Variants in PPP4R1 observed in about 807,000 individuals in gnomAD.
PPP4R1 encodes the protein protein phosphatase 4 regulatory subunit 1.
In PPP4R1, 42 loss-of-function variants were observed where a neutral mutation model predicts 111.2. That is an observed-to-expected ratio of 0.38 (90% confidence interval 0.29 to 0.49). The LOEUF is 0.49. PPP4R1 is among the 20% of genes least tolerant of loss of function. The pLI, the probability that PPP4R1 is intolerant of heterozygous loss-of-function variation, is 0.97. For synonymous variants in PPP4R1, 409 were observed against 405.5 expected, an observed-to-expected ratio of 1.01 and a Z score of -0.10; for missense variants, 1,012 against 1,161.6, an observed-to-expected ratio of 0.87 and a Z score of 1.87.
At chr18:9,615,778 C>A (rs542279246), upstream of PPP4R1, among the ~76,000 whole-genome samples, 1 of 152,290 alleles carries the variant, frequency 6.6e-6, no homozygotes, top group African/African-American at 2.4e-5. Flanking sequence ...TTCCTTTCTA[C>A]GTTGTAGTCT....
chr18:9,570,024 A>G lies in PPP4R1; in HGVS notation c.1573+133T>C, dbSNP rs551426686. On this transcript the variant is annotated intron_variant, in intron 11 of 19. Coordinates refer to ENST00000400556, the MANE Select transcript of PPP4R1 (RefSeq NM_001042388.3). ...CTCAACCTCTCAAAGTGCTGGTATTATAGGTATGAGTCACTGTGCCCAGTC... is the reference window on the plus strand; with the variant it reads ...CTCAACCTCTCAAAGTGCTGGTATTGTAGGTATGAGTCACTGTGCCCAGTC... The G allele has an allele frequency of 2.2e-5, 21 of 936,646 alleles. No homozygotes were observed. The Admixed American group carries it at 3.9e-4, about 17-fold the overall frequency. 58.0% of individuals were successfully genotyped at this position (936,646 alleles called of 1,614,324 possible).
At chr18:9,567,896 A>G (rs1158048669) in intron 11 of PPP4R1, among the ~76,000 whole-genome samples, 4 of 152,182 alleles carry the variant, frequency 2.6e-5, no homozygotes, top group Non-Finnish European at 5.9e-5. Context: ...AAGACCCTCC[A>G]CCAGCAATGA....
chr18:9,553,214 A>T, intron 16 of PPP4R1, 108 bp downstream of exon 16: 1 of 814,890 alleles, frequency 1.2e-6, no homozygotes, highest in Non-Finnish European at 1.9e-6. Context: ...CTAGAATACC[A>T]CATAGAAACT....
intron 10 of PPP4R1, 122 bp downstream of exon 10, chr18:9,576,942 T>G: frequency 2.0e-6 from 2 of 1,009,564 alleles, no homozygotes; most frequent in Non-Finnish European, 2.9e-6. Context: ...AATTTTTATA[T>G]TCAAGAGAAA....
In PPP4R1 at chr18:9,546,843, ATAC is replaced by A. The variant is rs984917440; in HGVS notation, c.*943_*945del. 2.6e-5 allele frequency: 4 copies of A among 152,268 alleles called. No homozygotes were observed. The highest frequency in any genetic ancestry group is 9.6e-5 in the African/African-American group (4 of 41,470). 9.4% of individuals were successfully genotyped at this position (152,268 alleles called of 1,614,324 possible). On this transcript the variant is annotated 3_prime_UTR_variant, in exon 20 of 20. Transcript: ENST00000400556. The stretch of plus-strand genomic sequence containing the variant: ...CTAGTTTCCCCACTTTAAATCATTA[ATAC>A]AGGTCACAAATTGCATTTATTGGTA...
chr18:9,556,109 C>T (rs1331759806), intron 15 of PPP4R1, among the ~76,000 whole-genome samples: 1 of 147,830 alleles, frequency 6.8e-6, no homozygotes, highest in Non-Finnish European at 1.5e-5. Flanking sequence ...TGCAGTGAGC[C>T]AAGATCCTGC....
At chr18:9,598,036 T>C (rs918436452) in intron 2 of PPP4R1, among the ~76,000 whole-genome samples, 2 of 151,766 alleles carry the variant, frequency 1.3e-5, no homozygotes, top group African/African-American at 2.4e-5. Context: ...AAAAAAGATA[T>C]GAAAAATACA....
chr18:9,569,647 A>C (rs931026415), intron 11 of PPP4R1, among the ~76,000 whole-genome samples: 10 of 152,336 alleles, frequency 6.6e-5, no homozygotes, highest in African/African-American at 2.4e-4. Flanking sequence ...AATTTCCTGA[A>C]AATCAGATTA....
rs746200871 is a variant in PPP4R1, at chr18:9,588,870, A to C, written c.296-17T>G. ...CAGTTGGTTCTATTGAAATAACGGC[A>C]ATGTGAGCAAACATGTTCTCCTGCA... On this transcript the variant is annotated splice_polypyrimidine_tract_variant and intron_variant, in intron 4 of 19. Coordinates refer to ENST00000400556, the MANE Select transcript of PPP4R1 (RefSeq NM_001042388.3). 1.9e-6 allele frequency: 3 copies of C among 1,610,556 alleles called. No individual in the cohort carries two copies. The highest frequency in any genetic ancestry group is 2.5e-6 in the Non-Finnish European group (3 of 1,178,770).
At position 9,570,569 on chromosome 18, in the gene PPP4R1, A is replaced by T. The variant is rs996898899; in HGVS notation, c.1161T>A (p.Ala387=). ...CTAGAGGCTTCCCGGATGCCTCAGCAGCATGGTCTTCCATCGTGTTTTCCA... is the reference window on the plus strand; with the variant it reads ...CTAGAGGCTTCCCGGATGCCTCAGCTGCATGGTCTTCCATCGTGTTTTCCA... ...VILENTMEDH[A]AEASGKPLGE... Residue 387 remains alanine, a synonymous_variant, in exon 11 of 20, where the codon GCT becomes GCA. Transcript: ENST00000400556. The T allele has an allele frequency of 1.2e-6, 2 of 1,614,238 alleles. No individual in the cohort carries two copies.
chr18:9,583,215 C>A lies in PPP4R1; in HGVS notation c.820G>T (p.Glu274Ter). ...GCACATGAAACCGCCATGAAGCATTCAGCACAAGCCTTTCGGACTCCCCAT... is the reference window on the plus strand; with the variant it reads ...GCACATGAAACCGCCATGAAGCATTAAGCACAAGCCTTTCGGACTCCCCAT... ...NVWGVRKACAECFMAVSCATC... is the reference protein window; with the variant it reads ...NVWGVRKACA The change falls in exon 9 of 20, where the codon GAA (glutamate) becomes TAA (stop). Residue 274 changes from glutamate to a stop codon, truncating the protein, a stop_gained. Coordinates refer to ENST00000400556, the MANE Select transcript of PPP4R1 (RefSeq NM_001042388.3). LOFTEE classifies it high-confidence loss of function. The A allele has an allele frequency of 1.2e-6, 2 of 1,610,114 alleles. No homozygotes were observed. The highest frequency in any genetic ancestry group is 1.7e-6 in the Non-Finnish European group (2 of 1,177,180).
At chr18:9,550,921 A>G (rs1401572361) in intron 16 of PPP4R1, 1 of 152,766 alleles carries the variant, frequency 6.5e-6, no homozygotes, top group Non-Finnish European at 1.5e-5. Flanking sequence ...CATGACATCT[A>G]CCAAGCTAAC....
At chr18:9,597,191 G>A (rs1367870530) in intron 2 of PPP4R1, among the ~76,000 whole-genome samples, 3 of 152,152 alleles carry the variant, frequency 2.0e-5, no homozygotes, top group Non-Finnish European at 4.4e-5. Context: ...TCAGACACTG[G>A]ACAAAAGACA....
intron 4 of PPP4R1, among the ~76,000 whole-genome samples, chr18:9,591,220 T>C (rs2067206296): frequency 6.6e-6 from 1 of 151,724 alleles, no homozygotes; most frequent in Non-Finnish European, 1.5e-5. Flanking sequence ...TGGTGGTGCA[T>C]GCCTGTAATC....
At chr18:9,577,525 C>T (rs555160729) in intron 9 of PPP4R1, among the ~76,000 whole-genome samples, 3 of 152,166 alleles carry the variant, frequency 2.0e-5, no homozygotes, top group Non-Finnish European at 2.9e-5. Flanking sequence ...GTTAGCAGGG[C>T]GTGGTGGCGC....
In PPP4R1 at chr18:9,563,545, C is replaced by T; in HGVS notation, c.1579G>A (p.Val527Met). The T allele has an allele frequency of 6.3e-7, 1 of 1,584,384 alleles. No individual in the cohort carries two copies. Among genetic ancestry groups the T allele is most frequent in the South Asian group, 1.1e-5 (1 of 87,346 alleles). The change falls in exon 12 of 20, where the codon GTG becomes ATG. Residue 527 changes from valine to methionine, a missense_variant. By Grantham distance (21) the Val-to-Met change is conservative. Around this residue, in one of 2 missense-constraint regions of PPP4R1, gnomAD observed 707 missense variants for 742.1 expected, o/e 0.95. Transcript: ENST00000400556. ...CGTAGTGCAGCGGACAGCACTTCCA[C>T]TTGTGCTACAGGCAAAATAAGGAAA... ...HIDDPDVKAQ[V>M]EVLSAALRAS...
At chr18:9,572,888 A>G (rs993787443) in intron 10 of PPP4R1, among the ~76,000 whole-genome samples, 1 of 152,246 alleles carries the variant, frequency 6.6e-6, no homozygotes, top group Non-Finnish European at 1.5e-5. Flanking sequence ...CAGTATGCAT[A>G]TATAATACAA....
In PPP4R1 at chr18:9,559,596, T is replaced by C; in HGVS notation, c.1851A>G (p.Val617=). The C allele has an allele frequency of 1.9e-6, 3 of 1,587,930 alleles. No homozygotes were observed. Among genetic ancestry groups the C allele is most frequent in the Non-Finnish European group, 2.6e-6 (3 of 1,165,202 alleles). The part of the protein sequence containing the change: ...EERRTKVQDV[V]PQALLDQYLS... ...AATACTGATCTAACAACGCCTGAGG[T>C]ACAACATCCTAATGGAGAAAGAGAA... The change falls in exon 14 of 20, where the codon GTA becomes GTG. Residue 617 remains valine, a synonymous_variant. Transcript: ENST00000400556.
At chr18:9,584,134 T>C (rs1419673755) in intron 8 of PPP4R1, among the ~76,000 whole-genome samples, 2 of 152,218 alleles carry the variant, frequency 1.3e-5, no homozygotes, top group African/African-American at 2.4e-5. Flanking sequence ...TTAGATATGG[T>C]GACTTATACA....
Sources: gnomAD v4.1 joint callset for allele counts (sites outside exome capture counted in the v4.1 genomes callset) on GRCh38, gnomAD v4.1.1 for gene constraint, gnomAD v4.1.1 regional missense constraint, MANE v1.5 for transcripts, NCBI Gene and HGNC (gene_info 2026-07-23, HGNC 2026-07-21) for gene names.